The following MUSK variants were observed in gnomAD, a reference collection of about 807,000 sequenced individuals.
MUSK encodes the protein muscle, skeletal receptor tyrosine-protein kinase.
A neutral mutation model predicts 88.7 loss-of-function variants in MUSK; 55 were observed. The ratio of observed to expected loss-of-function variants is 0.62; its 90% CI spans 0.50 to 0.78. The LOEUF (loss-of-function observed/expected upper bound fraction) is 0.78. Among genes scored for constraint, MUSK ranks in the 30% least tolerant of loss-of-function variants. The probability of loss-of-function intolerance (pLI) is 0.00; values close to 1 mark genes in which losing one functional copy is unlikely to be tolerated. For missense variants in MUSK, 1,015 were observed against 1,074.3 expected (o/e 0.94, Z 0.77); for synonymous variants, 387 against 391.9 (o/e 0.99, Z 0.15).
chr9:110,689,971 T>TAAA (rs1306948059), intron 3 of MUSK, among the ~76,000 whole-genome samples: 8 of 80,242 alleles, frequency 1.0e-4, no homozygotes, highest in Admixed American at 2.1e-4. Context: ...TATTTATATA[T>TAAA]TATATTATAA....
chr9:110,798,371 G>T (rs1053969815), intron 14 of MUSK, among the ~76,000 whole-genome samples: 1 of 152,134 alleles, frequency 6.6e-6, no homozygotes, highest in Non-Finnish European at 1.5e-5. Flanking sequence ...TGGGAAAAAT[G>T]GTATAACTAA....
intron 2 of MUSK, among the ~76,000 whole-genome samples, chr9:110,684,840 T>C (rs2076175555): frequency 6.6e-6 from 1 of 152,128 alleles, no homozygotes; most frequent in African/African-American, 2.4e-5. Context: ...TGCAACTTCA[T>C]TGAATTTATC....
intron 5 of MUSK, among the ~76,000 whole-genome samples, chr9:110,711,088 G>A (rs948177800): frequency 2.0e-5 from 3 of 152,076 alleles, no homozygotes; most frequent in Non-Finnish European, 2.9e-5. Flanking sequence ...ATCACACACC[G>A]GAGCCTGTTG....
Position 110,801,906 on chromosome 9 carries a change from C to A in MUSK, c.*918C>A, listed in dbSNP as rs1210936403. On this transcript the variant is annotated 3_prime_UTR_variant, in exon 15 of 15. Transcript: ENST00000374448. ...GGCAGAAATAATAACATTTTAAATA[C>A]CATTGTAGATTGATATGTATATGCC... Among the ~76,000 whole-genome samples the A allele has an allele frequency of 6.6e-6, 1 of 152,034 alleles. No individual in the cohort carries two copies. Among genetic ancestry groups the A allele is most frequent in the Non-Finnish European group, 1.5e-5 (1 of 68,010 alleles).
At chr9:110,695,797 G>T (rs2076423507) in intron 4 of MUSK, among the ~76,000 whole-genome samples, 1 of 151,960 alleles carries the variant, frequency 6.6e-6, no homozygotes, top group African/African-American at 2.4e-5. Flanking sequence ...CTTTGTATTT[G>T]TTGGCTGGCT....
intron 7 of MUSK, among the ~76,000 whole-genome samples, chr9:110,750,489 C>A (rs774097666): frequency 6.6e-6 from 1 of 152,134 alleles, no homozygotes. Context: ...GCACAGCCCT[C>A]TGCATCTCAG....
At chr9:110,770,307 C>G in intron 9 of MUSK, among the ~76,000 whole-genome samples, 2 of 134,100 alleles carry the variant, frequency 1.5e-5, no homozygotes, top group East Asian at 4.2e-4. Context: ...TATATATTAA[C>G]TTAACAATAA....
intron 6 of MUSK, among the ~76,000 whole-genome samples, chr9:110,743,930 G>C (rs995636445): frequency 2.0e-5 from 3 of 151,094 alleles, no homozygotes; most frequent in Non-Finnish European, 2.9e-5. Flanking sequence ...TATTACAACT[G>C]CATAAACATG....
At chr9:110,736,074 C>T (rs2077027153) in intron 6 of MUSK, among the ~76,000 whole-genome samples, 1 of 152,072 alleles carries the variant, frequency 6.6e-6, no homozygotes, top group South Asian at 2.1e-4. Flanking sequence ...ATACATAGTT[C>T]ACGATATTGA....
At chr9:110,783,237 C>T (rs964171272) in intron 11 of MUSK, among the ~76,000 whole-genome samples, 1 of 152,024 alleles carries the variant, frequency 6.6e-6, no homozygotes, top group Admixed American at 6.6e-5. Context: ...TCTATGTATG[C>T]TCTTTTCTTC....
chr9:110,805,540 T>G lies in MUSK; in HGVS notation c.*4552T>G, dbSNP rs1297730967. Among the ~76,000 whole-genome samples the G allele has an allele frequency of 6.6e-6, 1 of 152,040 alleles. No individual in the cohort carries two copies. The highest frequency in any genetic ancestry group is 1.5e-5 in the Non-Finnish European group (1 of 67,862). Reference sequence around the variant, plus strand: ...TTTTCTTGTTGCTTTGTAAGAGCACTTTATATATTAAGGAGTTAAATTTTG... The same window carrying G: ...TTTTCTTGTTGCTTTGTAAGAGCACGTTATATATTAAGGAGTTAAATTTTG... On this transcript the variant is annotated 3_prime_UTR_variant, in exon 15 of 15. Coordinates refer to ENST00000374448, the MANE Select transcript of MUSK (RefSeq NM_005592.4).
Position 110,762,405 on chromosome 9 carries a change from AAT to A in MUSK, c.920+198_920+199del, listed in dbSNP as rs531254409. Among the ~76,000 whole-genome samples, 121 of 152,258 alleles carry A rather than the reference AAT, an allele frequency of 7.9e-4. 2 individuals are homozygous for A. The South Asian group carries it at 0.018, about 23-fold the overall frequency. On this transcript the variant is annotated intron_variant, in intron 8 of 14. Transcript: ENST00000374448. ...CACTGTAACATTTTAGAAACTTTCT[AAT>A]TTCTAATCCTTTTAGTAAGTATGAT...
rs914111340 is a variant in MUSK, at chr9:110,725,272, G to A, written c.629-8979G>A. On this transcript the variant is annotated intron_variant, in intron 5 of 14. Coordinates refer to ENST00000374448, the MANE Select transcript of MUSK (RefSeq NM_005592.4). ...ACTCAGGGGAAAAGAGTGGAAGGGG[G>A]ATGAGGGATAAAAGACTACATATTA... Among the ~76,000 whole-genome samples, 3 of 152,000 alleles carry A rather than the reference G, an allele frequency of 2.0e-5. No homozygotes were observed. The South Asian group carries it at 6.2e-4, about 32-fold the overall frequency.
At chr9:110,718,617 A>T (rs2076774002) in intron 5 of MUSK, among the ~76,000 whole-genome samples, 1 of 152,096 alleles carries the variant, frequency 6.6e-6, no homozygotes, top group African/African-American at 2.4e-5. Flanking sequence ...AGTTGGAAGG[A>T]AGAAGAGAAA....
At chr9:110,758,278 T>C (rs1028680297) in intron 7 of MUSK, among the ~76,000 whole-genome samples, 2 of 152,144 alleles carry the variant, frequency 1.3e-5, no homozygotes, top group Admixed American at 6.5e-5. Flanking sequence ...TTGATAAAGT[T>C]TTAAAATGCA....
At chr9:110,669,316 T>A (rs1335563287) in intron 1 of MUSK, among the ~76,000 whole-genome samples, 2 of 152,196 alleles carry the variant, frequency 1.3e-5, no homozygotes, top group Admixed American at 6.5e-5. Context: ...GTGGTCTAAG[T>A]GGATGATGAC....
At chr9:110,678,968 A>G (rs1357443512) in intron 1 of MUSK, among the ~76,000 whole-genome samples, 2 of 152,076 alleles carry the variant, frequency 1.3e-5, no homozygotes, top group African/African-American at 4.8e-5. Flanking sequence ...AGACTATATA[A>G]AATCAATTCT....
chr9:110,783,255 A>C (rs925327932), intron 11 of MUSK, among the ~76,000 whole-genome samples: 2 of 152,074 alleles, frequency 1.3e-5, no homozygotes, highest in Non-Finnish European at 2.9e-5. Context: ...TTCTGTGCTA[A>C]CATTGCCAGG....
intron 5 of MUSK, among the ~76,000 whole-genome samples, chr9:110,703,339 C>A (rs1415248567): frequency 6.6e-6 from 1 of 152,004 alleles, no homozygotes; most frequent in Non-Finnish European, 1.5e-5. Flanking sequence ...GAGTTCAAGA[C>A]CAGCCTGGCC....
Sources: gnomAD v4.1 joint callset for allele counts (sites outside exome capture counted in the v4.1 genomes callset) on GRCh38, gnomAD v4.1.1 for gene constraint, MANE v1.5 for transcripts, NCBI Gene and HGNC (gene_info 2026-07-23, HGNC 2026-07-21) for gene names.